Variants in CPEB1 observed in about 807,000 individuals in gnomAD.
CPEB1 encodes cytoplasmic polyadenylation element-binding protein 1.
In CPEB1, 7 loss-of-function variants were observed where a neutral mutation model predicts 65.8. The ratio of observed to expected loss-of-function variants is 0.11; its 90% CI spans 0.06 to 0.20. The LOEUF is 0.20. Ranked by LOEUF, CPEB1 falls within the 10% of genes least tolerant of loss-of-function variation. CPEB1 has a pLI of 1.00. For synonymous variants in CPEB1, 262 were observed against 260.0 expected, an observed-to-expected ratio of 1.01 and a Z score of -0.08; for missense variants, 551 against 712.2, an observed-to-expected ratio of 0.77 and a Z score of 2.58.
At chr15:82,549,325 A>G in intron 10 of CPEB1, 135 bp downstream of exon 10, 1 of 800,434 alleles carries the variant, frequency 1.2e-6, no homozygotes, top group South Asian at 1.7e-5. Context: ...CTAGAAAAAG[A>G]TATTATGGTG....
rs1297236019 is a variant in CPEB1 at position 82,647,156 on chromosome 15, C to G, written c.-117G>C. ...ACCCACCTCAATGCCGCCAGCCCGG[C>G]GGGTCTCCCGGGCACGAAGCCCCGC... On this transcript the variant is annotated 5_prime_UTR_variant, in exon 1 of 13. Coordinates refer to ENST00000684509, the MANE Select transcript of CPEB1 (RefSeq NM_001365242.1). 6.6e-6 allele frequency: 1 copy of G among 152,436 alleles called. No individual in the cohort carries two copies. Among genetic ancestry groups the G allele is most frequent in the Non-Finnish European group, 1.5e-5 (1 of 68,254 alleles). 9.4% of individuals were successfully genotyped at this position (152,436 alleles called of 1,614,324 possible).
chr15:82,558,736 G>A (rs183758438), intron 4 of CPEB1, among the ~76,000 whole-genome samples: 4 of 152,242 alleles, frequency 2.6e-5, no homozygotes, highest in Admixed American at 2.6e-4. Flanking sequence ...TGTTAGGACA[G>A]CTCAATAATT....
intron 1 of CPEB1, among the ~76,000 whole-genome samples, chr15:82,644,393 T>G (rs1195993792): frequency 2.6e-5 from 4 of 152,212 alleles, no homozygotes; most frequent in Non-Finnish European, 5.9e-5. Context: ...ATTCCATCAC[T>G]TAACAGCCTT....
rs184741188 is a variant in CPEB1, at chr15:82,622,200, A to G, written c.271+4993T>C. 1.6e-3 allele frequency among the ~76,000 whole-genome samples: 241 copies of G among 152,182 alleles called. 1 individual carries two copies. The highest frequency in any genetic ancestry group is 5.5e-3 in the African/African-American group (230 of 41,510). On this transcript the variant is annotated intron_variant, in intron 3 of 12. Transcript: ENST00000684509. ...GGCAGACATCCCTGTCATCTCCACT[A>G]GACAGTTGTTGGGGTAGGAAATCCA... is the stretch of plus-strand genomic sequence containing the variant.
intron 4 of CPEB1, chr15:82,562,451 C>T (rs2151002045): frequency 4.9e-6 from 1 of 205,586 alleles, no homozygotes; most frequent in East Asian, 1.4e-4. Context: ...AGCACTGATC[C>T]ATACAAACCC....
rs560395611 is a variant in CPEB1, at chr15:82,583,791, C to A, written c.272-12259G>T. On this transcript the variant is annotated intron_variant, in intron 3 of 12. Transcript: ENST00000684509. ...TTGGCAGTCTGCTAAAACCAATAAACCTTCTAAGAAAAATGTTTCAAAACA... is the reference window on the plus strand; with the variant it reads ...TTGGCAGTCTGCTAAAACCAATAAAACTTCTAAGAAAAATGTTTCAAAACA... Among the ~76,000 whole-genome samples the A allele has an allele frequency of 2.6e-5, 4 of 152,118 alleles. No individual in the cohort carries two copies. In the South Asian group the frequency reaches 6.2e-4, roughly 24 times the overall value.
rs1196981385 is a variant in CPEB1, at chr15:82,549,538, G to A, written c.1402C>T (p.Leu468=). ...AATAGGTCGTTCAAGATGGCTGCCA[G>A]GGCCTCAGCATTTAGCATTCCATGC... is the stretch of plus-strand genomic sequence containing the variant. ...ALHGMLNAEA[L]AAILNDLFGG... Residue 468 remains leucine (L), a synonymous_variant, in exon 10 of 13, where the codon CTG becomes TTG. Coordinates refer to ENST00000684509, the MANE Select transcript of CPEB1 (RefSeq NM_001365242.1). 1.2e-6 allele frequency: 2 copies of A among 1,614,206 alleles called. No individual in the cohort carries two copies. The highest frequency in any genetic ancestry group is 8.5e-7 in the Non-Finnish European group (1 of 1,180,038).
intron 3 of CPEB1, among the ~76,000 whole-genome samples, chr15:82,586,644 C>T (rs1567202771): frequency 6.6e-6 from 1 of 152,174 alleles, no homozygotes; most frequent in Non-Finnish European, 1.5e-5. Context: ...GAGTAGACCA[C>T]CTACAGTTAG....
intron 3 of CPEB1, among the ~76,000 whole-genome samples, chr15:82,604,385 T>C: frequency 6.7e-6 from 1 of 150,030 alleles, no homozygotes; most frequent in African/African-American, 2.5e-5. Flanking sequence ...AGGAGGCTGA[T>C]GCAGGAGAAT....
At chr15:82,588,156 C>T (rs1285587525) in intron 3 of CPEB1, among the ~76,000 whole-genome samples, 1 of 151,738 alleles carries the variant, frequency 6.6e-6, no homozygotes, top group East Asian at 1.9e-4. Context: ...TCATATTGCC[C>T]AGGCTGGTCT....
chr15:82,631,616 T>C (rs552680975), intron 1 of CPEB1, among the ~76,000 whole-genome samples: 1 of 152,294 alleles, frequency 6.6e-6, no homozygotes, highest in East Asian at 1.9e-4. Context: ...GTATCATTAT[T>C]ATTATTCAGA....
chr15:82,640,008 G>A (rs74478220), intron 1 of CPEB1, among the ~76,000 whole-genome samples: 3,141 of 152,186 alleles, frequency 0.021, 111 homozygotes, highest in African/African-American at 0.071. Context: ...TTCACCCCAC[G>A]TGCCTTTTCC....
At chr15:82,627,698 A>G (rs185856381) in intron 2 of CPEB1, among the ~76,000 whole-genome samples, 4 of 152,316 alleles carry the variant, frequency 2.6e-5, no homozygotes, top group Admixed American at 2.6e-4. Context: ...CTTTATCTAT[A>G]AAGCTGCTAA....
At chr15:82,620,043 T>C (rs1248084732) in intron 3 of CPEB1, among the ~76,000 whole-genome samples, 2 of 152,138 alleles carry the variant, frequency 1.3e-5, no homozygotes, top group African/African-American at 4.8e-5. Context: ...ATTCATACAA[T>C]GGAATACTGT....
At chr15:82,546,629 G>T in intron 11 of CPEB1, 108 bp from the exon 12 acceptor site, 1 of 800,492 alleles carries the variant, frequency 1.2e-6, no homozygotes, top group Non-Finnish European at 2.2e-6. Context: ...GCGGGATATT[G>T]GAATGCAGGA....
chr15:82,573,094 C>G (rs767824616), intron 3 of CPEB1: 3 of 1,535,634 alleles, frequency 2.0e-6, no homozygotes, highest in South Asian at 1.2e-5. Flanking sequence ...AGCATGCCCA[C>G]CTGGGACCTC....
At chr15:82,560,922 T>C (rs1326423026) in intron 4 of CPEB1, among the ~76,000 whole-genome samples, 1 of 151,876 alleles carries the variant, frequency 6.6e-6, no homozygotes, top group African/African-American at 2.4e-5. Context: ...CCCAAGGGGG[T>C]ATGAAGGAAT....
At chr15:82,546,334 A>T in intron 12 of CPEB1, 107 bp downstream of exon 12, 1 of 835,370 alleles carries the variant, frequency 1.2e-6, no homozygotes, top group Non-Finnish European at 2.0e-6. Context: ...GGTCCTCCTG[A>T]TCCGCCCACC....
intron 9 of CPEB1, among the ~76,000 whole-genome samples, chr15:82,551,603 T>C (rs1355728677): frequency 5.9e-5 from 9 of 152,196 alleles, no homozygotes; most frequent in Non-Finnish European, 4.4e-5. Flanking sequence ...TCTTTTTTAC[T>C]AAAATAGGCA....
Sources: allele counts gnomAD v4.1 joint callset (sites outside exome capture counted in the v4.1 genomes callset), GRCh38; gene constraint gnomAD v4.1.1; transcripts MANE v1.5; gene names NCBI Gene and HGNC (gene_info 2026-07-23, HGNC 2026-07-21).